Variants in ACOT1 observed in about 807,000 individuals in gnomAD.
The protein encoded by ACOT1 is acyl-CoA thioesterase 1.
A neutral mutation model predicts 15.7 loss-of-function variants in ACOT1; 8 were observed. The observed-to-expected ratio is 0.51, with a 90% confidence interval of 0.30 to 0.92. The LOEUF (loss-of-function observed/expected upper bound fraction) is 0.92, where lower values mean the gene tolerates loss of function less well. ACOT1 is among the 40% of genes least tolerant of loss of function. The pLI is 0.06. For missense variants in ACOT1, 151 were observed against 539.4 expected (o/e 0.28, Z 7.13); for synonymous variants, 67 against 241.2 (o/e 0.28, Z 6.69).
chr14:73,506,804 G>GTTTTTTTTTTTT, the ACOT1 span, among the ~76,000 whole-genome samples: 765 of 80,404 alleles, frequency 9.5e-3, 169 homozygotes, highest in African/African-American at 0.036. Context: ...GACTTTAACT[G>GTTTTTTTTTTTT]TTTTTTTTTT....
chr14:73,498,428 A>G, the ACOT1 span: 1 of 1,217,240 alleles, frequency 8.2e-7, no homozygotes, highest in Non-Finnish European at 1.1e-6. Flanking sequence ...TTTTGCAAAC[A>G]ATACCTTCCC....
the ACOT1 span, among the ~76,000 whole-genome samples, chr14:73,529,625 CAG>C: frequency 6.6e-6 from 1 of 152,080 alleles, no homozygotes; most frequent in African/African-American, 2.4e-5. Flanking sequence ...GGTAGTATCT[CAG>C]AGATTCCAAA....
the ACOT1 span, among the ~76,000 whole-genome samples, chr14:73,499,632 C>A: frequency 6.6e-6 from 1 of 152,148 alleles, no homozygotes; most frequent in South Asian, 2.1e-4. Context: ...ATAGTGAGTA[C>A]ATTAGCTGAA....
chr14:73,508,845 C>CT, the ACOT1 span, among the ~76,000 whole-genome samples: 2 of 147,846 alleles, frequency 1.4e-5, no homozygotes, highest in African/African-American at 4.9e-5. Flanking sequence ...AGCAAATTTT[C>CT]TTTTTTTCCT....
At chr14:73,498,280 A>C in the ACOT1 span, 1 of 1,614,092 alleles carries the variant, frequency 6.2e-7, no homozygotes, top group South Asian at 1.1e-5. Flanking sequence ...GTGACTCTTC[A>C]TAGTGGATAG....
the ACOT1 span, chr14:73,493,428 G>A: frequency 3.3e-6 from 1 of 299,570 alleles, no homozygotes; most frequent in Non-Finnish European, 6.6e-6. Flanking sequence ...TATGTGGGAT[G>A]GTTCGAAGAA....
upstream of ACOT1, among the ~76,000 whole-genome samples, chr14:73,532,819 G>C (rs1266916593): frequency 3.5e-5 from 4 of 113,154 alleles, 2 homozygotes; most frequent in Non-Finnish European, 7.7e-5. Context: ...AGCCGGGTGT[G>C]GTGGTGGGCA....
At chr14:73,491,028 T>C in the ACOT1 span, 1 of 1,547,520 alleles carries the variant, frequency 6.5e-7, no homozygotes, top group Non-Finnish European at 8.7e-7. Context: ...ATGGATGGGC[T>C]CCAGGCCAGT....
the ACOT1 span, chr14:73,491,305 A>G: frequency 1.3e-6 from 2 of 1,531,252 alleles, no homozygotes; most frequent in Non-Finnish European, 8.8e-7. Context: ...GGCGAGAGCC[A>G]TACGGCCACC....
At chr14:73,521,944 G>C in the ACOT1 span, among the ~76,000 whole-genome samples, 466 of 152,332 alleles carry the variant, frequency 3.1e-3, 17 homozygotes, top group East Asian at 0.061. Context: ...GAATGACTTT[G>C]TTCCTCTTGG....
At chr14:73,503,035 A>C in the ACOT1 span, 6 of 1,543,790 alleles carry the variant, frequency 3.9e-6, no homozygotes, top group Admixed American at 3.3e-5. Flanking sequence ...TATGATCATT[A>C]GGTATCATCA....
the ACOT1 span, chr14:73,492,329 C>T: frequency 1.2e-6 from 2 of 1,614,036 alleles, no homozygotes; most frequent in Non-Finnish European, 1.7e-6. The surrounding 1 kb of genome is among the most constrained non-coding windows in gnomAD (Gnocchi z 4.9). Context: ...CATACTGCCT[C>T]TGGCAGTGCA....
chr14:73,492,999 CTT>C, the ACOT1 span: 2,407 of 1,447,570 alleles, frequency 1.7e-3, no homozygotes, highest in South Asian at 2.5e-3. The surrounding 1 kb of genome is among the most constrained non-coding windows in gnomAD (Gnocchi z 4.9). Context: ...CCACTGCTAC[CTT>C]TTTTTTTTTT....
chr14:73,524,305 AAAAAAATATAT>A, the ACOT1 span, among the ~76,000 whole-genome samples: 1 of 110,820 alleles, frequency 9.0e-6, no homozygotes, highest in African/African-American at 4.0e-5. Context: ...AAAAAAAAAA[AAAAAAATATAT>A]ATATATATAT....
chr14:73,508,280 T>C, the ACOT1 span: 3 of 1,613,760 alleles, frequency 1.9e-6, no homozygotes, highest in African/African-American at 4.0e-5. Context: ...GCAGCCCAGC[T>C]ATCCACACTG....
At chr14:73,498,968 T>C in the ACOT1 span, 1 of 929,708 alleles carries the variant, frequency 1.1e-6, no homozygotes, top group African/African-American at 1.6e-5. Context: ...GATCATTACC[T>C]CTCCTGCACT....
upstream of ACOT1, among the ~76,000 whole-genome samples, chr14:73,535,056 T>G (rs1249383746): frequency 5.2e-5 from 6 of 115,098 alleles, 2 homozygotes; most frequent in Non-Finnish European, 1.1e-4. Flanking sequence ...CATGGAAGAA[T>G]GCTCATCATA....
the ACOT1 span, chr14:73,492,234 A>G: frequency 6.2e-7 from 1 of 1,613,968 alleles, no homozygotes; most frequent in Non-Finnish European, 8.5e-7. This position sits in a 1 kb window ranked among gnomAD's most constrained non-coding sequence, Gnocchi z 4.9. Flanking sequence ...TTCATTCACC[A>G]AGCTGAATGC....
rs1888893812 is a variant in ACOT1, at chr14:73,537,323, T to C, written c.-99T>C. The C allele has an allele frequency of 4.6e-6, 5 of 1,077,758 alleles. No homozygotes were observed. In the South Asian group the frequency reaches 4.7e-5, roughly 10 times the overall value. 66.8% of individuals were successfully genotyped at this position (1,077,758 alleles called of 1,614,324 possible). A position where few individuals can be genotyped will look rare whatever the true frequency, so the allele number is the denominator to read the frequency against. On this transcript the variant is annotated 5_prime_UTR_variant, in exon 1 of 3. Transcript: ENST00000311148. ...GCAGACAGCTCTGCCCTAGTGGGCG[T>C]TTAGCCTGCGACGGCAGCCCGAGAG...
Sources: gnomAD v4.1 joint callset for allele counts (sites outside exome capture counted in the v4.1 genomes callset) on GRCh38, gnomAD v4.1.1 for gene constraint, Gnocchi (gnomAD v3.1) non-coding constraint, MANE v1.5 for transcripts, NCBI Gene and HGNC (gene_info 2026-07-23, HGNC 2026-07-21) for gene names.